Variants in HS6ST3 observed in about 807,000 individuals in gnomAD.
The protein encoded by HS6ST3 is heparan sulfate 6-O-sulfotransferase 3.
A neutral mutation model predicts 36.7 loss-of-function variants in HS6ST3; 12 were observed. That is an observed-to-expected ratio of 0.33 (90% confidence interval 0.21 to 0.53). HS6ST3 has a LOEUF of 0.53. HS6ST3 is among the 20% of genes least tolerant of loss of function. The pLI is 0.95. For missense variants in HS6ST3, 584 were observed against 640.9 expected (o/e 0.91, Z 0.96); for synonymous variants, 240 against 257.5 (o/e 0.93, Z 0.65).
At chr13:96,737,558 G>A (rs992439701) in intron 1 of HS6ST3, among the ~76,000 whole-genome samples, 1 of 148,588 alleles carries the variant, frequency 6.7e-6, no homozygotes, top group Admixed American at 6.7e-5. Context: ...CCGGGAAGCG[G>A]AGCTTGCAGT....
intron 1 of HS6ST3, among the ~76,000 whole-genome samples, chr13:96,426,064 C>T (rs1487585290): frequency 1.3e-5 from 2 of 150,732 alleles, no homozygotes; most frequent in African/African-American, 4.9e-5. Context: ...GAAATAGCCA[C>T]TTGTGTAGGT....
intron 1 of HS6ST3, among the ~76,000 whole-genome samples, chr13:96,275,553 CAAT>C (rs2054744052): frequency 6.6e-6 from 1 of 152,120 alleles, no homozygotes; most frequent in Admixed American, 6.6e-5. Flanking sequence ...CACAATAGAA[CAAT>C]GTTTCCAAAG....
At chr13:96,322,043 T>C (rs952130104) in intron 1 of HS6ST3, among the ~76,000 whole-genome samples, 63 of 152,142 alleles carry the variant, frequency 4.1e-4, no homozygotes, top group Non-Finnish European at 8.2e-4. Flanking sequence ...TGGATTCCCA[T>C]CATCTCCTCT....
chr13:96,529,460 A>C (rs561839394), intron 1 of HS6ST3, among the ~76,000 whole-genome samples: 6 of 152,274 alleles, frequency 3.9e-5, no homozygotes, highest in African/African-American at 1.2e-4. Flanking sequence ...GATGATTCAT[A>C]TGTCTATAAT....
At chr13:96,174,450 C>G (rs1416649107) in intron 1 of HS6ST3, among the ~76,000 whole-genome samples, 3 of 151,968 alleles carry the variant, frequency 2.0e-5, no homozygotes, top group Non-Finnish European at 4.4e-5. Context: ...CCCAGGCTGG[C>G]TTTAAACTCC....
Position 96,731,735 on chromosome 13 carries a change from C to T in HS6ST3, c.708-100755C>T, listed in dbSNP as rs117313584. On this transcript the variant is annotated intron_variant, in intron 1 of 1. Transcript: ENST00000376705. ...GTGCAGTAGTGTGATCACTGATCAC[C>T]GCAGCCTTCCCCCTGGCTCAGGCAA... Among the ~76,000 whole-genome samples, 274 of 151,904 alleles carry T rather than the reference C, an allele frequency of 1.8e-3. 3 individuals are homozygous for T. In the East Asian group the frequency reaches 0.029, roughly 16 times the overall value.
At chr13:96,796,239 C>T (rs937489352) in intron 1 of HS6ST3, among the ~76,000 whole-genome samples, 2 of 152,060 alleles carry the variant, frequency 1.3e-5, no homozygotes, top group Non-Finnish European at 2.9e-5. Flanking sequence ...AGGGAAACTT[C>T]ACATTTGAAC....
chr13:96,790,509 G>C (rs1421259594), intron 1 of HS6ST3, among the ~76,000 whole-genome samples: 1 of 151,956 alleles, frequency 6.6e-6, no homozygotes, highest in African/African-American at 2.4e-5. Context: ...TTGAAAATGA[G>C]AGAAAAACTG....
Position 96,327,788 on chromosome 13 carries a change from G to A in HS6ST3, c.707+236219G>A, listed in dbSNP as rs547560371. 9.2e-5 allele frequency among the ~76,000 whole-genome samples: 14 copies of A among 152,010 alleles called. 1 individual carries two copies. The highest frequency in any genetic ancestry group is 6.3e-4 in the South Asian group (3 of 4,792). Reference sequence around the variant, plus strand: ...CCTTGGGCAGTATGGCCATTTTCACGATATTGATTCTTCCTACCCATGAGC... The same window carrying A: ...CCTTGGGCAGTATGGCCATTTTCACAATATTGATTCTTCCTACCCATGAGC... On this transcript the variant is annotated intron_variant, in intron 1 of 1. Coordinates refer to ENST00000376705, the MANE Select transcript of HS6ST3 (RefSeq NM_153456.4).
intron 1 of HS6ST3, among the ~76,000 whole-genome samples, chr13:96,557,027 A>G (rs1227784428): frequency 6.6e-6 from 1 of 152,252 alleles, no homozygotes; most frequent in South Asian, 2.1e-4. Context: ...CTTAATCCAC[A>G]TGATTTATAG....
Position 96,756,156 on chromosome 13 carries a change from C to T in HS6ST3, c.708-76334C>T, listed in dbSNP as rs369258504. 1.8e-3 allele frequency among the ~76,000 whole-genome samples: 281 copies of T among 152,168 alleles called. 1 individual carries two copies. The highest frequency in any genetic ancestry group is 6.2e-3 in the East Asian group (32 of 5,180). Reference sequence around the variant, plus strand: ...GCCGATTGAGTATCTTCTTTTGTGACGTGTCTGTTCAAATCTTTCCCCCAT... The same window carrying T: ...GCCGATTGAGTATCTTCTTTTGTGATGTGTCTGTTCAAATCTTTCCCCCAT... On this transcript the variant is annotated intron_variant, in intron 1 of 1. Transcript: ENST00000376705.
chr13:96,135,308 A>G (rs2053996344), intron 1 of HS6ST3, among the ~76,000 whole-genome samples: 1 of 152,174 alleles, frequency 6.6e-6, no homozygotes, highest in Non-Finnish European at 1.5e-5. Flanking sequence ...TTTAAAGAAA[A>G]TACAAACTTG....
intron 1 of HS6ST3, among the ~76,000 whole-genome samples, chr13:96,634,630 C>T (rs2056542829): frequency 6.6e-6 from 1 of 151,992 alleles, no homozygotes. Flanking sequence ...CACTCTACCG[C>T]AATGTGGCAT....
chr13:96,796,001 G>T (rs985963509), intron 1 of HS6ST3, among the ~76,000 whole-genome samples: 2 of 152,090 alleles, frequency 1.3e-5, no homozygotes, highest in Non-Finnish European at 2.9e-5. Flanking sequence ...AAGGAAAAAG[G>T]CTATGAAAGC....
intron 1 of HS6ST3, among the ~76,000 whole-genome samples, chr13:96,298,287 C>T (rs1312570359): frequency 1.3e-5 from 2 of 152,050 alleles, no homozygotes; most frequent in African/African-American, 4.8e-5. Flanking sequence ...AACAGAGATG[C>T]GTATGCACTC....
intron 1 of HS6ST3, among the ~76,000 whole-genome samples, chr13:96,499,011 T>C (rs2055990875): frequency 6.7e-6 from 1 of 149,326 alleles, no homozygotes; most frequent in Non-Finnish European, 1.5e-5. Flanking sequence ...GGAATTAAAC[T>C]GGAAAGATTG....
intron 1 of HS6ST3, among the ~76,000 whole-genome samples, chr13:96,233,793 T>C (rs2054519366): frequency 6.6e-6 from 1 of 152,082 alleles, no homozygotes; most frequent in Non-Finnish European, 1.5e-5. Flanking sequence ...AGTTTAGAGA[T>C]GTGGTCGGAG....
At chr13:96,589,736 T>G (rs1213063073) in intron 1 of HS6ST3, among the ~76,000 whole-genome samples, 1 of 152,108 alleles carries the variant, frequency 6.6e-6, no homozygotes, top group Non-Finnish European at 1.5e-5. Flanking sequence ...TTAAATTACT[T>G]TGGACTATAG....
At chr13:96,436,046 T>G (rs2055640096) in intron 1 of HS6ST3, among the ~76,000 whole-genome samples, 1 of 152,232 alleles carries the variant, frequency 6.6e-6, no homozygotes, top group Non-Finnish European at 1.5e-5. Context: ...CCCCTTCTTC[T>G]CTTTGTTGTT....
Sources: allele counts gnomAD v4.1 joint callset (sites outside exome capture counted in the v4.1 genomes callset), GRCh38; gene constraint gnomAD v4.1.1; transcripts MANE v1.5; gene names NCBI Gene and HGNC (gene_info 2026-07-23, HGNC 2026-07-21).